TGM5: variants seen among roughly 807,000 people sequenced by gnomAD.
TGM5 encodes protein-glutamine gamma-glutamyltransferase 5.
A neutral mutation model predicts 77.2 loss-of-function variants in TGM5; 69 were observed. The ratio of observed to expected loss-of-function variants is 0.89; its 90% confidence interval spans 0.74 to 1.09. TGM5 has a LOEUF of 1.09. TGM5 is among the 50% of genes least tolerant of loss of function. The pLI is 0.00. For missense variants in TGM5, 842 were observed against 896.5 expected (o/e 0.94, Z 0.78); for synonymous variants, 346 against 351.8 (o/e 0.98, Z 0.18).
Position 43,254,228 on chromosome 15 carries a change from C to T in TGM5, c.556-594G>A, listed in dbSNP as rs547373866. On this transcript the variant is annotated intron_variant, in intron 4 of 12. Transcript: ENST00000220420. ...TTCCCCGAGCCTGAGCCTGCTTTAGCGCCACAGCCCTGGGTATGTGCCCTC... is the reference window on the plus strand; with the variant it reads ...TTCCCCGAGCCTGAGCCTGCTTTAGTGCCACAGCCCTGGGTATGTGCCCTC... Among the ~76,000 whole-genome samples, 8 of 152,294 alleles carry T rather than the reference C, an allele frequency of 5.3e-5. No individual in the cohort carries two copies. The South Asian group carries it at 8.3e-4, about 16-fold the overall frequency.
chr15:43,249,600 G>A (rs1307061839), intron 6 of TGM5, among the ~76,000 whole-genome samples: 1 of 152,132 alleles, frequency 6.6e-6, no homozygotes, highest in African/African-American at 2.4e-5. Context: ...TCTTGCTATC[G>A]TGAAAGGCAT....
chr15:43,237,334 A>T (rs2042597594), intron 9 of TGM5, among the ~76,000 whole-genome samples: 1 of 152,190 alleles, frequency 6.6e-6, no homozygotes, highest in Admixed American at 6.5e-5. Flanking sequence ...CAGAAGTGCT[A>T]AAGAATTTAC....
chr15:43,238,808 C>CT lies in TGM5; in HGVS notation c.1345+8dup, dbSNP rs765169050. On this transcript the variant is annotated intron_variant, in intron 9 of 12. Transcript: ENST00000220420. ...TGGGGCTCTGAGTAGGGCTGGCTTG[C>CT]TTACTTACCTTCTTCATACTTGTAG... The CT allele has an allele frequency of 6.2e-7, 1 of 1,613,648 alleles. No individual in the cohort carries two copies. The highest frequency in any genetic ancestry group is 1.7e-5 in the Admixed American group (1 of 59,990).
chr15:43,258,179 G>A (rs1596450494), intron 3 of TGM5, among the ~76,000 whole-genome samples: 1 of 151,036 alleles, frequency 6.6e-6, no homozygotes, highest in East Asian at 2.0e-4. Flanking sequence ...GTATACATAT[G>A]TAACAAACCT....
In TGM5 at chr15:43,235,875, G is replaced by C. The variant is rs537754345; in HGVS notation, c.1346-38C>G. The stretch of plus-strand genomic sequence containing the variant: ...AGAGCACAGCACCAGCTGTGAGCCA[G>C]GCTGACCGGGGTAGACTGAGGCTGA... On this transcript the variant is annotated intron_variant, in intron 9 of 12. Coordinates refer to ENST00000220420, the MANE Select transcript of TGM5 (RefSeq NM_201631.4). The C allele has an allele frequency of 1.7e-4, 266 of 1,610,756 alleles. 2 individuals carry two copies. The South Asian group carries it at 2.7e-3, about 16-fold the overall frequency.
intron 1 of TGM5, among the ~76,000 whole-genome samples, chr15:43,264,585 T>C (rs981999289): frequency 2.0e-5 from 3 of 152,076 alleles, no homozygotes; most frequent in African/African-American, 7.2e-5. Flanking sequence ...AGACAGAAAG[T>C]AGATTTAGGG....
chr15:43,246,426 G>C (rs1368113291), intron 6 of TGM5, among the ~76,000 whole-genome samples: 1 of 152,178 alleles, frequency 6.6e-6, no homozygotes, highest in African/African-American at 2.4e-5. Flanking sequence ...GTGATAAGTC[G>C]TATTGACAGC....
chr15:43,257,891 T>C (rs1566836081), intron 3 of TGM5, among the ~76,000 whole-genome samples: 1 of 152,160 alleles, frequency 6.6e-6, no homozygotes, highest in Non-Finnish European at 1.5e-5. Flanking sequence ...TGGAATACTA[T>C]GCAGCCATAA....
rs575558916 is a variant in TGM5, at chr15:43,255,104, C to A, written c.555+1464G>T. On this transcript the variant is annotated intron_variant, in intron 4 of 12. Coordinates refer to ENST00000220420, the MANE Select transcript of TGM5 (RefSeq NM_201631.4). ...ATCCCAACACTTTGGGAGGCCGAGA[C>A]GGGAGGATCATTTGAGCCCAGGAGT... Among the ~76,000 whole-genome samples the A allele has an allele frequency of 2.2e-4, 33 of 152,112 alleles. 2 individuals carry two copies. In the South Asian group the frequency reaches 6.2e-3, roughly 29 times the overall value.
chr15:43,255,924 T>C (rs2042739226), intron 4 of TGM5, among the ~76,000 whole-genome samples: 1 of 152,252 alleles, frequency 6.6e-6, no homozygotes, highest in East Asian at 1.9e-4. Flanking sequence ...TAGAGGAACA[T>C]ACACCAAGCT....
Position 43,233,609 on chromosome 15 carries a change from C to T in TGM5, c.1954G>A (p.Asp652Asn). The change falls in exon 12 of 13, where the codon GAC becomes AAC. Residue 652 changes from aspartate to asparagine, a missense_variant. Transcript: ENST00000220420. ...FSNPLSEQVEDCVLTVEGSGL... is the reference protein window; with the variant it reads ...FSNPLSEQVENCVLTVEGSGL... Reference sequence around the variant, plus strand: ...CTTCCTTCCACAGTCAGCACACAGTCCTCAACCTGCTCCGAGAGGGGGTTT... The same window carrying T: ...CTTCCTTCCACAGTCAGCACACAGTTCTCAACCTGCTCCGAGAGGGGGTTT... 1.2e-6 allele frequency: 2 copies of T among 1,614,200 alleles called. No homozygotes were observed. Among genetic ancestry groups the T allele is most frequent in the Non-Finnish European group, 1.7e-6 (2 of 1,180,034 alleles).
chr15:43,234,797 G>T lies in TGM5; in HGVS notation c.1847C>A (p.Thr616Asn). Residue 616 changes from threonine to asparagine, a missense_variant, in exon 11 of 13, where the codon ACC (threonine) becomes AAC (asparagine). Around this residue, in one of 2 missense-constraint regions of TGM5, gnomAD observed 815 missense variants for 844.6 expected, o/e 0.96. Transcript: ENST00000220420. ...AATCGTGATGCTTGGATAAGATAAG[G>T]TGATGATCTTGTTCACCAGGATTTT... is the stretch of plus-strand genomic sequence containing the variant. The part of the protein sequence containing the change: ...PEKILVNKII[T>N]LSYPSITINV... The T allele has an allele frequency of 6.2e-7, 1 of 1,614,232 alleles. No homozygotes were observed. Among genetic ancestry groups the T allele is most frequent in the Non-Finnish European group, 8.5e-7 (1 of 1,180,042 alleles).
intron 6 of TGM5, among the ~76,000 whole-genome samples, chr15:43,244,811 T>G (rs1008978787): frequency 6.6e-6 from 1 of 152,216 alleles, no homozygotes; most frequent in African/African-American, 2.4e-5. Flanking sequence ...CTCAGGCTGG[T>G]AATCCCAGCA....
In TGM5 at chr15:43,233,623, G is replaced by A. The variant is rs745436900; in HGVS notation, c.1940C>T (p.Ser647Leu). The A allele has an allele frequency of 2.8e-5, 46 of 1,614,054 alleles. No homozygotes were observed. Among genetic ancestry groups the A allele is most frequent in the Non-Finnish European group, 3.6e-5 (43 of 1,180,044 alleles). ...SIQVIFSNPL[S>L]EQVEDCVLTV... The stretch of plus-strand genomic sequence containing the variant: ...CAGCACACAGTCCTCAACCTGCTCC[G>A]AGAGGGGGTTTGAAAATATCACCTG... The change falls in exon 12 of 13, where the codon TCG becomes TTG. Residue 647 changes from serine to leucine, a missense_variant. By Grantham distance (145) the Ser-to-Leu change is moderately radical (BLOSUM62 -2). Transcript: ENST00000220420.
At chr15:43,251,816 C>T (rs2042705611) in intron 6 of TGM5, among the ~76,000 whole-genome samples, 1 of 152,210 alleles carries the variant, frequency 6.6e-6, no homozygotes, top group Non-Finnish European at 1.5e-5. Flanking sequence ...CACAAACCAA[C>T]TTCCATTTGC....
At chr15:43,247,358 A>G (rs1284000166) in intron 6 of TGM5, among the ~76,000 whole-genome samples, 1 of 152,134 alleles carries the variant, frequency 6.6e-6, no homozygotes, top group African/African-American at 2.4e-5. Flanking sequence ...TAATCAATAG[A>G]ACCAGATTCA....
chr15:43,233,679 T>C lies in TGM5; in HGVS notation c.1884A>G (p.Gly628=). 3.7e-6 allele frequency: 6 copies of C among 1,614,126 alleles called. No individual in the cohort carries two copies. The highest frequency in any genetic ancestry group is 5.1e-6 in the Non-Finnish European group (6 of 1,180,016). Residue 628 remains glycine, a synonymous_variant, in exon 12 of 13, where the codon GGA becomes GGG. Coordinates refer to ENST00000220420, the MANE Select transcript of TGM5 (RefSeq NM_201631.4). Reference sequence around the variant, plus strand: ...AGAGTGGCTGGTTCACAACGGCTGCTCCTAGAACCTAAACAGACCAGGAGG... The same window carrying C: ...AGAGTGGCTGGTTCACAACGGCTGCCCCTAGAACCTAAACAGACCAGGAGG... The part of the protein sequence containing the change: ...SYPSITINVL[G]AAVVNQPLSI...
Position 43,232,835 on chromosome 15 carries a change from C to A in TGM5, c.*356G>T. The A allele has an allele frequency of 3.3e-6, 1 of 306,704 alleles. No homozygotes were observed. 19.0% of individuals were successfully genotyped at this position (306,704 alleles called of 1,614,324 possible). ...GGAATCCCTGGGCCCTGAAAAGAGT[C>A]CAGGGGAGCTGTGCAAATGGTCCAG... On this transcript the variant is annotated 3_prime_UTR_variant, in exon 13 of 13. Coordinates refer to ENST00000220420, the MANE Select transcript of TGM5 (RefSeq NM_201631.4).
chr15:43,252,152 C>T (rs558807626), intron 6 of TGM5, among the ~76,000 whole-genome samples: 1 of 152,226 alleles, frequency 6.6e-6, no homozygotes, highest in Middle Eastern at 3.2e-3. Context: ...TGTCTTGAAC[C>T]TAGACAGTTC....
Sources: gnomAD v4.1 joint callset for allele counts (sites outside exome capture counted in the v4.1 genomes callset) on GRCh38, gnomAD v4.1.1 for gene constraint, gnomAD v4.1.1 regional missense constraint, MANE v1.5 for transcripts, NCBI Gene and HGNC (gene_info 2026-07-23, HGNC 2026-07-21) for gene names.